Variants in EEF2K observed in about 807,000 individuals in gnomAD.
The protein encoded by EEF2K is alternative protein EEF2K.
Under a neutral mutation model 93.8 loss-of-function variants are expected in EEF2K, and 70 were observed. The ratio of observed to expected loss-of-function variants is 0.75; its 90% confidence interval spans 0.62 to 0.91. The LOEUF (loss-of-function observed/expected upper bound fraction) is 0.91. Ranked by LOEUF, EEF2K falls within the 40% of genes least tolerant of loss-of-function variation. EEF2K has a pLI of 0.00. For synonymous variants in EEF2K, 376 were observed against 380.8 expected (o/e 0.99, Z 0.15); for missense variants, 935 against 972.9 (o/e 0.96, Z 0.52).
intron 2 of EEF2K, among the ~76,000 whole-genome samples, chr16:22,244,300 T>C (rs1031862906): frequency 3.4e-4 from 52 of 151,544 alleles, no homozygotes; most frequent in African/African-American, 1.2e-3. Flanking sequence ...TGTGTGTGTG[T>C]GTGTGTGTGT....
chr16:22,239,153 G>C (rs2047196971), intron 2 of EEF2K, among the ~76,000 whole-genome samples: 1 of 151,516 alleles, frequency 6.6e-6, no homozygotes. Context: ...GCATGACTCT[G>C]TTCTGGGTTT....
chr16:22,250,521 C>A, intron 4 of EEF2K, 133 bp from the exon 5 acceptor site: 1 of 1,052,320 alleles, frequency 9.5e-7, no homozygotes, highest in South Asian at 1.5e-5. Flanking sequence ...GGGAGATCCC[C>A]AGGGATTTCA....
rs1388946141 is a variant in EEF2K at position 22,258,426 on chromosome 16, A to G, written c.1030-68A>G. On this transcript the variant is annotated intron_variant, in intron 9 of 17. Coordinates refer to ENST00000263026, the MANE Select transcript of EEF2K (RefSeq NM_013302.5). ...AAGGGGTTTCAGGGTTAGAGGGAAC[A>G]ACAGGAAGAGCCCTTTAATTCCCAG... 3.3e-6 allele frequency: 5 copies of G among 1,538,358 alleles called. No individual in the cohort carries two copies. The African/African-American group carries it at 6.8e-5, about 21-fold the overall frequency.
intron 9 of EEF2K, 78 bp downstream of exon 9, chr16:22,257,848 G>A (rs904586493): frequency 6.4e-7 from 1 of 1,565,288 alleles, no homozygotes. Context: ...CCCCTGTGTG[G>A]TGACAGCCAG....
intron 2 of EEF2K, among the ~76,000 whole-genome samples, chr16:22,227,157 C>T (rs1454690112): frequency 6.6e-6 from 1 of 152,174 alleles, no homozygotes; most frequent in Non-Finnish European, 1.5e-5. Context: ...TGAGATTGCA[C>T]CACTGCACTC....
rs1279790691 is a variant in EEF2K at position 22,285,316 on chromosome 16, A to AT, written c.*1324dup. 2.6e-5 allele frequency: 4 copies of AT among 151,948 alleles called. No homozygotes were observed. Among genetic ancestry groups the AT allele is most frequent in the Non-Finnish European group, 4.4e-5 (3 of 68,020 alleles). The allele number at this position is 151,948 out of a possible 1,614,324, so 9.4% of individuals were successfully genotyped here. On this transcript the variant is annotated 3_prime_UTR_variant, in exon 18 of 18. Transcript: ENST00000263026. Reference sequence around the variant, plus strand: ...GCATTTTCTGCTTGAAGCTGGGCTGATTTTCTTGTAATTTACAGCAGGACG... The same window carrying AT: ...GCATTTTCTGCTTGAAGCTGGGCTGATTTTTCTTGTAATTTACAGCAGGACG...
At chr16:22,279,576 CTT>C (rs1035783668) in intron 16 of EEF2K, among the ~76,000 whole-genome samples, 1 of 152,064 alleles carries the variant, frequency 6.6e-6, no homozygotes, top group South Asian at 2.1e-4. Context: ...TCTTTATACT[CTT>C]TTAGTTATTT....
Position 22,273,744 on chromosome 16 carries a change from CG to C in EEF2K, c.1885del (p.Asp629ThrfsTer7). On this transcript the variant is annotated frameshift_variant, in exon 16 of 18. Coordinates refer to ENST00000263026, the MANE Select transcript of EEF2K (RefSeq NM_013302.5). LOFTEE classifies it high-confidence loss of function. ...RAFDSGQNLS[P>X]DRCQDWLEAL... The stretch of plus-strand genomic sequence containing the variant: ...TTTGACTCTGGCCAGAACCTCAGCC[CG>C]GACAGGTACTGCAGCTGTCACCCAG... 6.2e-7 allele frequency: 1 copy of C among 1,613,566 alleles called. No homozygotes were observed. The highest frequency in any genetic ancestry group is 8.5e-7 in the Non-Finnish European group (1 of 1,179,824).
At chr16:22,226,122 G>A in intron 2 of EEF2K, 147 bp downstream of exon 2, 1 of 1,234,402 alleles carries the variant, frequency 8.1e-7, no homozygotes. Flanking sequence ...TTGTTAAGCA[G>A]GGAGGGTATT....
intron 15 of EEF2K, 111 bp downstream of exon 15, chr16:22,266,987 G>T (rs2047531181): frequency 1.5e-6 from 2 of 1,319,458 alleles, no homozygotes; most frequent in Non-Finnish European, 2.0e-6. Flanking sequence ...CTATCCTGAG[G>T]TTTATGCATG....
At chr16:22,234,154 G>A (rs946808546) in intron 2 of EEF2K, among the ~76,000 whole-genome samples, 5 of 152,144 alleles carry the variant, frequency 3.3e-5, no homozygotes, top group African/African-American at 7.2e-5. Context: ...AGGTGTTGTC[G>A]GTTGCTCCTC....
intron 2 of EEF2K, among the ~76,000 whole-genome samples, chr16:22,226,517 C>CTTCTTTTTTTTTTTTTTTTTT (rs1555469266): frequency 2.8e-5 from 3 of 106,898 alleles, no homozygotes; most frequent in African/African-American, 4.2e-5. Flanking sequence ...CCTTCTTCTT[C>CTTCTTTTTTTTTTTTTTTTTT]TTTTTTTTTT....
At chr16:22,238,195 C>G (rs117063364) in intron 2 of EEF2K, among the ~76,000 whole-genome samples, 7,218 of 152,126 alleles carry the variant, frequency 0.047, 281 homozygotes, top group Non-Finnish European at 0.075. Flanking sequence ...GCAGCTGAGA[C>G]AAAATTGCTT....
intron 1 of EEF2K, among the ~76,000 whole-genome samples, chr16:22,220,372 C>T (rs144911025): frequency 5.1e-4 from 78 of 152,132 alleles, no homozygotes; most frequent in East Asian, 2.1e-3. Context: ...ATGAGGGAGT[C>T]GGCTCCGTGA....
intron 2 of EEF2K, among the ~76,000 whole-genome samples, chr16:22,230,963 T>C (rs1478409378): frequency 1.3e-5 from 2 of 151,814 alleles, no homozygotes; most frequent in Non-Finnish European, 1.5e-5. Flanking sequence ...CTATTACATA[T>C]AGTATGTGTG....
intron 2 of EEF2K, among the ~76,000 whole-genome samples, chr16:22,237,689 C>T (rs2047181238): frequency 6.6e-6 from 1 of 152,014 alleles, no homozygotes; most frequent in South Asian, 2.1e-4. Flanking sequence ...TTTACACAGG[C>T]ATTACCTAAA....
Position 22,266,742 on chromosome 16 carries a change from G to A in EEF2K, c.1630G>A (p.Glu544Lys), listed in dbSNP as rs139314427. 17 of 1,614,066 alleles carry A rather than the reference G, an allele frequency of 1.1e-5. No homozygotes were observed. Among genetic ancestry groups the A allele is most frequent in the Non-Finnish European group, 1.4e-5 (16 of 1,180,034 alleles). The change falls in exon 15 of 18, where the codon GAG becomes AAG. Residue 544 changes from glutamate to lysine, a missense_variant. Glu to Lys is a moderately conservative substitution (Grantham distance 56). Coordinates refer to ENST00000263026, the MANE Select transcript of EEF2K (RefSeq NM_013302.5). ...GGGTGGGCGCTTCTGCGAGAAGGGC[G>A]AGGAGTGGGACCAGGAGTCGGCTGT... ...HEGGRFCEKG[E>K]EWDQESAVFH... is the part of the protein sequence containing the mutation.
Position 22,246,740 on chromosome 16 carries a change from G to A in EEF2K, c.347+2010G>A, listed in dbSNP as rs547570228. On this transcript the variant is annotated intron_variant, in intron 3 of 17. Coordinates refer to ENST00000263026, the MANE Select transcript of EEF2K (RefSeq NM_013302.5). ...CACCCCTTGTTGTCTCCTTAAGCAAGCCATTGAAACTAGAATTGGCCGGGT... is the reference window on the plus strand; with the variant it reads ...CACCCCTTGTTGTCTCCTTAAGCAAACCATTGAAACTAGAATTGGCCGGGT... Among the ~76,000 whole-genome samples, 6 of 151,438 alleles carry A rather than the reference G, an allele frequency of 4.0e-5. No homozygotes were observed. In the East Asian group the frequency reaches 9.8e-4, roughly 25 times the overall value.
chr16:22,273,576 G>A (rs746571272), intron 15 of EEF2K, 50 bp from the exon 16 acceptor site: 6 of 1,605,608 alleles, frequency 3.7e-6, no homozygotes, highest in Non-Finnish European at 2.6e-6. Flanking sequence ...CAGCCCTCGA[G>A]TGTAAGCCTC....
Sources: gnomAD v4.1 joint callset for allele counts (sites outside exome capture counted in the v4.1 genomes callset) on GRCh38, gnomAD v4.1.1 for gene constraint, MANE v1.5 for transcripts, NCBI Gene and HGNC (gene_info 2026-07-23, HGNC 2026-07-21) for gene names.